LRP1B: variants seen among roughly 807,000 people sequenced by gnomAD.
The protein encoded by LRP1B is low-density lipoprotein receptor-related protein 1B.
In LRP1B, 217 loss-of-function variants were observed where a neutral mutation model predicts 556.6. The observed-to-expected ratio is 0.39, with a 90% CI of 0.35 to 0.44. The LOEUF is 0.44. LRP1B is among the 20% of genes least tolerant of loss of function. LRP1B has a pLI of 1.00. For synonymous variants in LRP1B, 2,047 were observed against 1,865.8 expected, an observed-to-expected ratio of 1.10 and a Z score of -2.50; for missense variants, 5,053 against 5,620.8, an observed-to-expected ratio of 0.90 and a Z score of 3.23.
chr2:141,674,867 T>A (rs1283650533), intron 2 of LRP1B, among the ~76,000 whole-genome samples: 4 of 152,044 alleles, frequency 2.6e-5, no homozygotes, highest in Admixed American at 2.6e-4. Context: ...TGACAGATAC[T>A]AGAAATTGCT....
At chr2:140,972,482 T>A (rs1258003339) in intron 18 of LRP1B, among the ~76,000 whole-genome samples, 1 of 152,174 alleles carries the variant, frequency 6.6e-6, no homozygotes, top group Non-Finnish European at 1.5e-5. Flanking sequence ...TGCTAAAATA[T>A]GAGTTTATCT....
chr2:140,354,211 C>T (rs1416016003), intron 75 of LRP1B, among the ~76,000 whole-genome samples: 1 of 151,996 alleles, frequency 6.6e-6, no homozygotes. Context: ...TAAATCCTTC[C>T]CTTGAATTAG....
intron 6 of LRP1B, among the ~76,000 whole-genome samples, chr2:141,206,489 G>A (rs931190384): frequency 4.6e-5 from 7 of 152,068 alleles, no homozygotes; most frequent in Non-Finnish European, 1.0e-4. Flanking sequence ...GGAGGCTGAG[G>A]CAGGGGAGAA....
chr2:141,053,991 C>A (rs1441809748), intron 10 of LRP1B, among the ~76,000 whole-genome samples: 2 of 151,902 alleles, frequency 1.3e-5, no homozygotes, highest in Non-Finnish European at 2.9e-5. Context: ...AAACATGAGA[C>A]CTGTTACCTT....
chr2:141,605,936 T>C (rs1021621603), intron 2 of LRP1B, among the ~76,000 whole-genome samples: 1 of 144,196 alleles, frequency 6.9e-6, no homozygotes, highest in African/African-American at 2.5e-5. Context: ...CAATTAAGTA[T>C]GATAAAATGC....
At position 142,115,683 on chromosome 2, in the gene LRP1B, TAA is replaced by T. The variant is rs1491481173; in HGVS notation, c.82+14963_82+14964del. Among the ~76,000 whole-genome samples the T allele has an allele frequency of 5.8e-3, 127 of 21,904 alleles. 52 individuals are homozygous for T. Among genetic ancestry groups the T allele is most frequent in the African/African-American group, 0.022 (121 of 5,482 alleles). 14.4% of individuals were successfully genotyped at this position (21,904 alleles called of 152,430 possible). On this transcript the variant is annotated intron_variant, in intron 1 of 90. Transcript: ENST00000389484. Reference sequence around the variant, plus strand: ...GTAATATATATATGTAATATATATATAATATATATGTAATATATATATAATAT... The same window carrying T: ...GTAATATATATATGTAATATATATATTATATATGTAATATATATATAATAT...
intron 2 of LRP1B, among the ~76,000 whole-genome samples, chr2:141,773,108 C>T (rs1477655152): frequency 6.6e-6 from 1 of 152,176 alleles, no homozygotes; most frequent in African/African-American, 2.4e-5. Flanking sequence ...AAAAGACTAA[C>T]TATCTTCAGT....
intron 3 of LRP1B, among the ~76,000 whole-genome samples, chr2:141,390,242 G>T (rs571879560): frequency 6.6e-6 from 1 of 152,090 alleles, no homozygotes; most frequent in African/African-American, 2.4e-5. Context: ...ACTACAATAA[G>T]GTGGAAAGCC....
At chr2:141,941,555 A>C (rs2105015144) in intron 1 of LRP1B, among the ~76,000 whole-genome samples, 1 of 152,264 alleles carries the variant, frequency 6.6e-6, no homozygotes, top group Admixed American at 6.5e-5. Flanking sequence ...GAAAAAGTAG[A>C]GGTTAGCAGC....
chr2:141,997,001 A>G (rs1304394330), intron 1 of LRP1B, among the ~76,000 whole-genome samples: 1 of 152,160 alleles, frequency 6.6e-6, no homozygotes, highest in African/African-American at 2.4e-5. Flanking sequence ...AGTGGGAGAC[A>G]GTGATGCCCA....
At chr2:142,094,113 G>A (rs1411462648) in intron 1 of LRP1B, among the ~76,000 whole-genome samples, 1 of 151,988 alleles carries the variant, frequency 6.6e-6, no homozygotes, top group East Asian at 1.9e-4. Context: ...TTTTATAAGG[G>A]CACTAATCTC....
chr2:140,530,500 T>C (rs2104983298), intron 47 of LRP1B, among the ~76,000 whole-genome samples: 1 of 152,196 alleles, frequency 6.6e-6, no homozygotes, highest in East Asian at 1.9e-4. Flanking sequence ...CAGGGAAGTC[T>C]TCCTTCTATA....
chr2:141,176,439 G>A (rs144702569), intron 7 of LRP1B, among the ~76,000 whole-genome samples: 1 of 152,102 alleles, frequency 6.6e-6, no homozygotes, highest in Non-Finnish European at 1.5e-5. Context: ...TTAAAAGTGT[G>A]TGGCATTTTC....
rs1475342938 is a variant in LRP1B, at chr2:141,601,613, TCC to T, written c.206-121082_206-121081del. The stretch of plus-strand genomic sequence containing the variant: ...TGTAGCACTCCTTTCCTTCCTTCCT[TCC>T]TTCCTTCCTTCCTTCCTTCCTTCCT... On this transcript the variant is annotated intron_variant, in intron 2 of 90. Coordinates refer to ENST00000389484, the MANE Select transcript of LRP1B (RefSeq NM_018557.3). 6.2e-4 allele frequency among the ~76,000 whole-genome samples: 93 copies of T among 150,450 alleles called. 1 individual carries two copies. The highest frequency in any genetic ancestry group is 1.3e-3 in the Non-Finnish European group (86 of 67,588).
At chr2:142,112,516 G>A (rs1291557442) in intron 1 of LRP1B, among the ~76,000 whole-genome samples, 1 of 152,060 alleles carries the variant, frequency 6.6e-6, no homozygotes, top group African/African-American at 2.4e-5. Flanking sequence ...TAAAGAAGAT[G>A]AGTTTTACTG....
chr2:141,084,203 C>T (rs1352047978), intron 7 of LRP1B, among the ~76,000 whole-genome samples: 1 of 152,018 alleles, frequency 6.6e-6, no homozygotes, highest in East Asian at 1.9e-4. Context: ...TTCATGGATA[C>T]CTGATTCATA....
chr2:140,329,120 G>C (rs1680656015), intron 79 of LRP1B, among the ~76,000 whole-genome samples: 1 of 152,002 alleles, frequency 6.6e-6, no homozygotes, highest in Admixed American at 6.6e-5. Context: ...TGGATGCAAA[G>C]CTGGAAAGTA....
At chr2:142,112,182 T>C (rs10193349) in intron 1 of LRP1B, among the ~76,000 whole-genome samples, 3,511 of 152,072 alleles carry the variant, frequency 0.023, 57 homozygotes, top group African/African-American at 0.039. Context: ...CTTACTCTAG[T>C]CTAGGCGATA....
chr2:141,575,930 C>T (rs998135464), intron 2 of LRP1B, among the ~76,000 whole-genome samples: 5 of 151,752 alleles, frequency 3.3e-5, no homozygotes, highest in Admixed American at 1.3e-4. Flanking sequence ...GGCAATTAGT[C>T]AGGAAATAAT....
Sources: allele counts gnomAD v4.1 joint callset (sites outside exome capture counted in the v4.1 genomes callset), GRCh38; gene constraint gnomAD v4.1.1; transcripts MANE v1.5; gene names NCBI Gene and HGNC (gene_info 2026-07-23, HGNC 2026-07-21).